Variants in UGT1A8 observed in about 807,000 individuals in gnomAD.
UGT1A8 encodes the protein UDP glucuronosyltransferase family 1 member A8.
A neutral mutation model predicts 45.3 loss-of-function variants in UGT1A8; 39 were observed. The observed-to-expected ratio is 0.86, with a 90% CI of 0.67 to 1.12. The LOEUF (loss-of-function observed/expected upper bound fraction) is 1.12, where lower values mean the gene tolerates loss of function less well. Ranked by LOEUF, UGT1A8 falls within the 50% of genes most tolerant of loss-of-function variation. UGT1A8 has a pLI of 0.00. For missense variants in UGT1A8, 719 were observed against 664.9 expected (o/e 1.08, Z -0.90); for synonymous variants, 275 against 249.2 (o/e 1.10, Z -0.97).
intron 1 of UGT1A8, among the ~76,000 whole-genome samples, chr2:233,744,723 G>A (rs187577100): frequency 9.2e-5 from 14 of 151,876 alleles, no homozygotes; most frequent in Admixed American, 8.5e-4. Flanking sequence ...AGAGAATGAC[G>A]GTGAAAAAAT....
At chr2:233,747,535 A>C in intron 1 of UGT1A8, 1 of 1,605,190 alleles carries the variant, frequency 6.2e-7, no homozygotes. Flanking sequence ...CATTTTCTGA[A>C]GACATTTTCT....
In UGT1A8 at chr2:233,723,213, CTT is replaced by C. The variant is rs201420005; in HGVS notation, c.856-43806_856-43805del. On this transcript the variant is annotated intron_variant, in intron 1 of 4. Coordinates refer to ENST00000373450, the MANE Select transcript of UGT1A8 (RefSeq NM_019076.5). ...ATGTGGTAAAAAAAGTCAAAACTGA[CTT>C]TTTTTTTTTTTTTTGAGTTGGAGTC... Among the ~76,000 whole-genome samples, 40 of 88,776 alleles carry C rather than the reference CTT, an allele frequency of 4.5e-4. 2 individuals are homozygous for C. Among genetic ancestry groups the C allele is most frequent in the East Asian group, 2.4e-3 (8 of 3,302 alleles). 58.2% of individuals were successfully genotyped at this position (88,776 alleles called of 152,430 possible). A position where few individuals can be genotyped will look rare whatever the true frequency, so the allele number is the denominator to read the frequency against.
At chr2:233,677,925 C>A (rs548235410) in intron 1 of UGT1A8, among the ~76,000 whole-genome samples, 1 of 152,070 alleles carries the variant, frequency 6.6e-6, no homozygotes, top group South Asian at 2.1e-4. Flanking sequence ...AACCTAGGTG[C>A]CCGTCAACAG....
intron 1 of UGT1A8, chr2:233,729,470 C>T (rs746048603): frequency 1.9e-6 from 3 of 1,614,122 alleles, no homozygotes; most frequent in Admixed American, 1.7e-5. Flanking sequence ...AGAAGTATGG[C>T]AATGTTGAAC....
chr2:233,718,680 G>A (rs2076674900), intron 1 of UGT1A8: 2 of 1,570,166 alleles, frequency 1.3e-6, no homozygotes, highest in Non-Finnish European at 1.7e-6. Flanking sequence ...TGGGTAATAA[G>A]TAACTGGAGG....
In UGT1A8 at chr2:233,754,506, C is replaced by T. The variant is rs1695499420; in HGVS notation, c.856-12528C>T. 9 of 356,440 alleles carry T rather than the reference C, an allele frequency of 2.5e-5. 1 individual carries two copies. Among genetic ancestry groups the T allele is most frequent in the Middle Eastern group, 3.8e-4 (1 of 2,606 alleles). The allele number at this position is 356,440 out of a possible 1,614,324, so 22.1% of individuals were successfully genotyped here. ...TCAATCCTAAAAAAAGTCCGCTATT[C>T]CTCCAGATGTGCTTAAAGGCAAATG... On this transcript the variant is annotated intron_variant, in intron 1 of 4. Transcript: ENST00000373450.
chr2:233,754,390 C>G, intron 1 of UGT1A8: 1 of 303,204 alleles, frequency 3.3e-6, no homozygotes, highest in Admixed American at 4.5e-5. Flanking sequence ...AACAGAGGTC[C>G]TATCCGTGCA....
chr2:233,759,542 G>A (rs751549220), intron 1 of UGT1A8, among the ~76,000 whole-genome samples: 1 of 152,024 alleles, frequency 6.6e-6, no homozygotes, highest in Non-Finnish European at 1.5e-5. Flanking sequence ...GTTCACATGC[G>A]CTCCAGTGAA....
At chr2:233,757,782 T>A (rs935250846) in intron 1 of UGT1A8, among the ~76,000 whole-genome samples, 4 of 151,680 alleles carry the variant, frequency 2.6e-5, no homozygotes, top group Admixed American at 6.6e-5. Context: ...AGCCTGTCAT[T>A]CTGATTTGAT....
chr2:233,674,300 C>T (rs74471804), intron 1 of UGT1A8, among the ~76,000 whole-genome samples: 51 of 152,218 alleles, frequency 3.4e-4, no homozygotes, highest in African/African-American at 1.1e-3. Flanking sequence ...GCATGACTTT[C>T]GGATCTTCAC....
At chr2:233,677,073 G>A (rs879777039) in intron 1 of UGT1A8, among the ~76,000 whole-genome samples, 5 of 151,762 alleles carry the variant, frequency 3.3e-5, no homozygotes, top group Non-Finnish European at 7.4e-5. Flanking sequence ...GTTCATTAAT[G>A]TGTGCAAAAA....
chr2:233,639,929 C>T (rs1242831462), intron 1 of UGT1A8, among the ~76,000 whole-genome samples: 1 of 152,204 alleles, frequency 6.6e-6, no homozygotes, highest in Non-Finnish European at 1.5e-5. Flanking sequence ...GGAAGTCACT[C>T]TTAGTCTCTT....
rs939644938 is a variant in UGT1A8 at position 233,772,877 on chromosome 2, G to A, written c.*318G>A. On this transcript the variant is annotated 3_prime_UTR_variant, in exon 5 of 5. Coordinates refer to ENST00000373450, the MANE Select transcript of UGT1A8 (RefSeq NM_019076.5). Reference sequence around the variant, plus strand: ...TGAAACATGGCCTGTTTGGGAGTGCGGGATTCAAAGGTGGTCCCACGGCTG... The same window carrying A: ...TGAAACATGGCCTGTTTGGGAGTGCAGGATTCAAAGGTGGTCCCACGGCTG... 4.0e-5 allele frequency: 23 copies of A among 579,274 alleles called. No individual in the cohort carries two copies. The highest frequency in any genetic ancestry group is 3.1e-4 in the East Asian group (6 of 19,490). The allele number at this position is 579,274 out of a possible 1,614,324, so 35.9% of individuals were successfully genotyped here. A position where few individuals can be genotyped will look rare whatever the true frequency, so the allele number is the denominator to read the frequency against.
At position 233,618,498 on chromosome 2, in the gene UGT1A8, C is replaced by A; in HGVS notation, c.791C>A (p.Pro264His). The change falls in exon 1 of 5, where the codon CCC (proline) becomes CAC (histidine). Residue 264 changes from proline to histidine, a missense_variant. By Grantham distance (77) the Pro-to-His change is moderately conservative. Coordinates refer to ENST00000373450, the MANE Select transcript of UGT1A8 (RefSeq NM_019076.5). ...GACTTTGTTTTGGACTATCCCAAAC[C>A]CGTGATGCCCAATATGATCTTCATT... ...RTDFVLDYPK[P>H]VMPNMIFIGG... The A allele has an allele frequency of 6.2e-7, 1 of 1,613,854 alleles. No individual in the cohort carries two copies. Among genetic ancestry groups the A allele is most frequent in the Non-Finnish European group, 8.5e-7 (1 of 1,179,802 alleles).
rs561829360 is a variant in UGT1A8, at chr2:233,716,811, T to C, written c.856-50223T>C. On this transcript the variant is annotated intron_variant, in intron 1 of 4. Coordinates refer to ENST00000373450, the MANE Select transcript of UGT1A8 (RefSeq NM_019076.5). ...GCCTTTTTCTGTCTCTGGACGTTGC[T>C]GGGGTGACCTCACTGACACCCATGG... 6.6e-5 allele frequency among the ~76,000 whole-genome samples: 10 copies of C among 152,310 alleles called. No homozygotes were observed. The East Asian group carries it at 9.6e-4, about 15-fold the overall frequency.
At chr2:233,634,389 G>A (rs1260235293) in intron 1 of UGT1A8, among the ~76,000 whole-genome samples, 2 of 152,152 alleles carry the variant, frequency 1.3e-5, no homozygotes, top group Non-Finnish European at 2.9e-5. Context: ...TCGTTGATCT[G>A]TCTAATATTG....
At chr2:233,690,234 G>A (rs963789268) in intron 1 of UGT1A8, among the ~76,000 whole-genome samples, 1 of 152,128 alleles carries the variant, frequency 6.6e-6, no homozygotes, top group Non-Finnish European at 1.5e-5. Flanking sequence ...TCTAGATTCA[G>A]CAAATTTCTT....
At chr2:233,672,020 T>C in intron 1 of UGT1A8, 21 of 1,614,156 alleles carry the variant, frequency 1.3e-5, no homozygotes, top group Non-Finnish European at 1.6e-5. Context: ...GGGAAGCTAC[T>C]GGTAGTGCCC....
chr2:233,681,996 G>T (rs1178155998), intron 1 of UGT1A8: 1 of 1,614,062 alleles, frequency 6.2e-7, no homozygotes, highest in South Asian at 1.1e-5. Flanking sequence ...CTGCTGACCT[G>T]TGGCTTTGCC....
Sources: gnomAD v4.1 joint callset for allele counts (sites outside exome capture counted in the v4.1 genomes callset) on GRCh38, gnomAD v4.1.1 for gene constraint, MANE v1.5 for transcripts, NCBI Gene and HGNC (gene_info 2026-07-23, HGNC 2026-07-21) for gene names.